Variants in ANGPT4 observed in about 807,000 individuals in gnomAD.
ANGPT4 encodes angiopoietin 4, also known as angiopoietin-4.
In ANGPT4, 50 loss-of-function variants were observed where a neutral mutation model predicts 53.0. That is an observed-to-expected ratio of 0.94 (90% confidence interval 0.75 to 1.20). The LOEUF (loss-of-function observed/expected upper bound fraction) is 1.20. ANGPT4 is among the 50% of genes most tolerant of loss of function. ANGPT4 has a pLI of 0.00. For missense variants in ANGPT4, 648 were observed against 637.1 expected (o/e 1.02, Z -0.18); for synonymous variants, 251 against 259.7 (o/e 0.97, Z 0.32).
At position 874,324 on chromosome 20, in the gene ANGPT4, G is replaced by A. The variant is rs747306878; in HGVS notation, c.1311C>T (p.Asn437=). The A allele has an allele frequency of 8.1e-6, 13 of 1,614,104 alleles. No individual in the cohort carries two copies. Among genetic ancestry groups the A allele is most frequent in the Admixed American group, 6.7e-5 (4 of 60,004 alleles). The change falls in exon 8 of 9, where the codon AAC becomes AAT. Residue 437 remains asparagine (N), a synonymous_variant. Transcript: ENST00000381922. ...NTSFSTLDSD[N]DHCLCKCAQV... Reference sequence around the variant, plus strand: ...GGGCACACTTGCAGAGACAGTGGTCGTTGTCTGAGTCAAGGGTGCTAAAGC... The same window carrying A: ...GGGCACACTTGCAGAGACAGTGGTCATTGTCTGAGTCAAGGGTGCTAAAGC...
chr20:897,066 C>A (rs1477822494), intron 1 of ANGPT4, among the ~76,000 whole-genome samples: 1 of 152,194 alleles, frequency 6.6e-6, no homozygotes, highest in Non-Finnish European at 1.5e-5. Flanking sequence ...CCCCTGCCCG[C>A]CAGAGAACAA....
At chr20:897,689 C>T (rs2122830993) in intron 1 of ANGPT4, among the ~76,000 whole-genome samples, 1 of 152,292 alleles carries the variant, frequency 6.6e-6, no homozygotes, top group Admixed American at 6.5e-5. Flanking sequence ...TGGCTGCTCA[C>T]CCATATTACA....
chr20:899,947 T>C (rs1982223653), intron 1 of ANGPT4, among the ~76,000 whole-genome samples: 1 of 152,214 alleles, frequency 6.6e-6, no homozygotes, highest in Non-Finnish European at 1.5e-5. Flanking sequence ...TTTACTTTCT[T>C]TCCATCACTC....
Position 872,797 on chromosome 20 carries a change from G to C in ANGPT4, c.*163C>G. On this transcript the variant is annotated 3_prime_UTR_variant, in exon 9 of 9. Transcript: ENST00000381922. ...TGTCACAGACGGAGGGGAGTTGGGG[G>C]GCAGATGACCCTTCTGGACTTCTGG... 1.2e-6 allele frequency: 1 copy of C among 802,168 alleles called. No individual in the cohort carries two copies. The allele number at this position is 802,168 out of a possible 1,614,324, so 49.7% of individuals were successfully genotyped here.
intron 4 of ANGPT4, 105 bp downstream of exon 4, chr20:884,973 C>A: frequency 1.3e-6 from 2 of 1,499,628 alleles, no homozygotes; most frequent in South Asian, 1.3e-5. Flanking sequence ...AGGGTGGGGC[C>A]CGCAATGGCT....
intron 2 of ANGPT4, 128 bp from the exon 3 acceptor site, chr20:888,567 C>T (rs1981710331): frequency 2.1e-6 from 3 of 1,427,044 alleles, no homozygotes; most frequent in East Asian, 2.5e-5. Flanking sequence ...AGTCGTAGTT[C>T]CTGTGGTTAC....
chr20:898,647 G>A (rs1982150953), intron 1 of ANGPT4, among the ~76,000 whole-genome samples: 1 of 152,182 alleles, frequency 6.6e-6, no homozygotes, highest in Non-Finnish European at 1.5e-5. Context: ...TTGCCTTCAA[G>A]GTGTACAATA....
chr20:898,035 C>G (rs1982123309), intron 1 of ANGPT4, among the ~76,000 whole-genome samples: 1 of 152,182 alleles, frequency 6.6e-6, no homozygotes. Context: ...TTCTTTCACA[C>G]ATTGGTCCCT....
At chr20:883,812 T>C (rs3787564) in intron 4 of ANGPT4, among the ~76,000 whole-genome samples, 38,860 of 152,202 alleles carry the variant, frequency 0.26, 5,427 homozygotes, top group East Asian at 0.52. Context: ...ACACATGGGA[T>C]GAATTCAGGC....
rs763353908 is a variant in ANGPT4 at position 916,122 on chromosome 20, C to T, written c.93G>A (p.Arg31=). The T allele has an allele frequency of 1.9e-6, 3 of 1,614,192 alleles. No homozygotes were observed. Among genetic ancestry groups the T allele is most frequent in the East Asian group, 4.5e-5 (2 of 44,874 alleles). The change falls in exon 1 of 9, where the codon AGG becomes AGA. Residue 31 remains arginine, a synonymous_variant. Coordinates refer to ENST00000381922, the MANE Select transcript of ANGPT4 (RefSeq NM_015985.4). ...GCTGGACTACAAGTGTCTCGCAGCC[C>T]CTATCCGCCTCCTGCCTTGTCTGTT... The part of the protein sequence containing the change: ...VAQQTRQEAD[R]GCETLVVQHG...
intron 6 of ANGPT4, among the ~76,000 whole-genome samples, chr20:878,812 T>C (rs1377042943): frequency 6.6e-6 from 1 of 152,200 alleles, no homozygotes; most frequent in Non-Finnish European, 1.5e-5. Context: ...GCTACATAAA[T>C]AGTAGAGCAA....
rs1224867529 is a variant in ANGPT4, at chr20:881,227, C to T, written c.895G>A (p.Ala299Thr). 1.5e-5 allele frequency: 24 copies of T among 1,613,082 alleles called. No homozygotes were observed. Among genetic ancestry groups the T allele is most frequent in the Non-Finnish European group, 1.9e-5 (23 of 1,179,514 alleles). The change falls in exon 5 of 9, where the codon GCC becomes ACC. Residue 299 changes from alanine to threonine, a missense_variant. Transcript: ENST00000381922. ...ATGGTGTAGACACCACTGGCACTGG[C>T]CCCAGAGCGCTGGATCTCTGCACAG... ...QDCAEIQRSG[A>T]SASGVYTIQV...
In ANGPT4 at chr20:888,548, C is replaced by T. The variant is rs1053751631; in HGVS notation, c.466-109G>A. 1.5e-5 allele frequency: 23 copies of T among 1,485,984 alleles called. No homozygotes were observed. In the South Asian group the frequency reaches 2.4e-4, roughly 16 times the overall value. The allele number at this position is 1,485,984 out of a possible 1,614,324, so 92.0% of individuals were successfully genotyped here. ...GCCACTCCAGAAACTTACCCATTTC[C>T]ACTCTCCCAGTCGTAGTTCCTGTGG... On this transcript the variant is annotated intron_variant, in intron 2 of 8. Transcript: ENST00000381922.
intron 1 of ANGPT4, among the ~76,000 whole-genome samples, chr20:912,789 C>T (rs1335513813): frequency 2.0e-5 from 3 of 151,984 alleles, no homozygotes; most frequent in Non-Finnish European, 4.4e-5. Flanking sequence ...GAGTGCGTAT[C>T]TGGGGACTTG....
At chr20:874,204 C>T (rs1981065603) in intron 8 of ANGPT4, 80 bp downstream of exon 8, 3 of 1,580,624 alleles carry the variant, frequency 1.9e-6, no homozygotes, top group East Asian at 4.5e-5. Context: ...CCTGGGCGCA[C>T]AAGAACCTGG....
chr20:913,452 T>A (rs144781644), intron 1 of ANGPT4, among the ~76,000 whole-genome samples: 1 of 152,162 alleles, frequency 6.6e-6, no homozygotes, highest in South Asian at 2.1e-4. Context: ...TGAACTCCCA[T>A]ATCAGAGATC....
Position 914,679 on chromosome 20 carries a change from C to T in ANGPT4, c.309+1227G>A, listed in dbSNP as rs1423835669. Among the ~76,000 whole-genome samples, 1 of 152,060 alleles carries T rather than the reference C, an allele frequency of 6.6e-6. No individual in the cohort carries two copies. The highest frequency in any genetic ancestry group is 1.5e-5 in the Non-Finnish European group (1 of 68,000). On this transcript the variant is annotated intron_variant, in intron 1 of 8. Coordinates refer to ENST00000381922, the MANE Select transcript of ANGPT4 (RefSeq NM_015985.4). This position sits in a 1 kb window ranked among gnomAD's most constrained non-coding sequence, Gnocchi z 5.0. ...CGCATCCTTCATTCCTCAGTCATCG[C>T]CCAGACTGTCTCCTGGGTCCCTCTC...
In ANGPT4 at chr20:899,308, C is replaced by T. The variant is rs368973998; in HGVS notation, c.310-8940G>A. ...TATTGCCCAGGCTGGAGTGCAGTGG[C>T]GCGATCTCGGCTCACTGCAAGCTCC... is the stretch of plus-strand genomic sequence containing the variant. On this transcript the variant is annotated intron_variant, in intron 1 of 8. Coordinates refer to ENST00000381922, the MANE Select transcript of ANGPT4 (RefSeq NM_015985.4). 6.6e-5 allele frequency among the ~76,000 whole-genome samples: 10 copies of T among 151,550 alleles called. No individual in the cohort carries two copies. The East Asian group carries it at 7.8e-4, about 12-fold the overall frequency.
intron 1 of ANGPT4, among the ~76,000 whole-genome samples, chr20:913,242 A>G (rs1490610845): frequency 3.9e-5 from 6 of 152,170 alleles, no homozygotes; most frequent in Non-Finnish European, 8.8e-5. Flanking sequence ...TGAGTTTCAG[A>G]AGATCTGAGA....
Sources: gnomAD v4.1 joint callset for allele counts (sites outside exome capture counted in the v4.1 genomes callset) on GRCh38, gnomAD v4.1.1 for gene constraint, Gnocchi (gnomAD v3.1) non-coding constraint, MANE v1.5 for transcripts, NCBI Gene and HGNC (gene_info 2026-07-23, HGNC 2026-07-21) for gene names.